The following NRTN variants were observed in gnomAD, a reference collection of about 807,000 sequenced individuals.
NRTN encodes neurturin, also known as prepro-neurturin.
Under a neutral mutation model 7.5 loss-of-function variants are expected in NRTN, and 3 were observed. The ratio of observed to expected loss-of-function variants is 0.40; its 90% CI spans 0.18 to 1.03. The LOEUF (loss-of-function observed/expected upper bound fraction) is 1.03. Ranked by LOEUF, NRTN falls within the 50% of genes least tolerant of loss-of-function variation. The probability of loss-of-function intolerance (pLI) is 0.34; values close to 1 mark genes in which losing one functional copy is unlikely to be tolerated. For synonymous variants in NRTN, 157 were observed against 146.6 expected, an observed-to-expected ratio of 1.07 and a Z score of -0.51; for missense variants, 310 against 307.0, an observed-to-expected ratio of 1.01 and a Z score of -0.07.
chr19:5,805,341 G>GC lies in NRTN; in HGVS notation c.-501dup, dbSNP rs561782359. ...CCCGCGGCCGCCCCCTCCGGCCCGG[G>GC]CCCCCCCCGGGCACCGCGGGCCCAG... is the stretch of plus-strand genomic sequence containing the variant. On this transcript the variant is annotated 5_prime_UTR_variant, in exon 1 of 3. It introduces an in-frame stop codon into an upstream open reading frame of the 5' UTR. Coordinates refer to ENST00000303212, the MANE Select transcript of NRTN (RefSeq NM_004558.5). Among the ~76,000 whole-genome samples, 12 of 145,456 alleles carry GC rather than the reference G, an allele frequency of 8.2e-5. No individual in the cohort carries two copies. The highest frequency in any genetic ancestry group is 1.2e-4 in the Non-Finnish European group (8 of 65,570).
intron 1 of NRTN, among the ~76,000 whole-genome samples, chr19:5,810,502 A>G (rs76603390): frequency 6.6e-6 from 1 of 152,094 alleles, no homozygotes; most frequent in African/African-American, 2.4e-5. Context: ...GCTAATAATA[A>G]TAACATGTTT....
In NRTN at chr19:5,806,673, C is replaced by A. The variant is rs1375691354; in HGVS notation, c.-399+1222C>A. ...ACTCCCGAGGTTCATAGCTCCGGCA[C>A]CGACTCCACCCCCAGGGAGCTACAG... On this transcript the variant is annotated intron_variant, in intron 1 of 2. Transcript: ENST00000303212. The surrounding 1 kb of genome is among the most constrained non-coding windows in gnomAD (Gnocchi z 5.4). Among the ~76,000 whole-genome samples the A allele has an allele frequency of 6.6e-6, 1 of 152,138 alleles. No homozygotes were observed. Among genetic ancestry groups the A allele is most frequent in the Non-Finnish European group, 1.5e-5 (1 of 68,024 alleles).
rs1287767111 is a variant in NRTN at position 5,805,139 on chromosome 19, C to A, written c.-711C>A. Among the ~76,000 whole-genome samples, 1 of 146,608 alleles carries A rather than the reference C, an allele frequency of 6.8e-6. No homozygotes were observed. Among genetic ancestry groups the A allele is most frequent in the East Asian group, 2.0e-4 (1 of 5,102 alleles). ...CCCTCTCGCCGCCGCCCCGGAGCCC[C>A]GTGCTGCGCGCCGAGGCCGCCTGCG... On this transcript the variant is annotated 5_prime_UTR_variant, in exon 1 of 3. Coordinates refer to ENST00000303212, the MANE Select transcript of NRTN (RefSeq NM_004558.5).
At chr19:5,826,217 A>G (rs1166892023) in intron 2 of NRTN, among the ~76,000 whole-genome samples, 2 of 152,050 alleles carry the variant, frequency 1.3e-5, no homozygotes, top group Non-Finnish European at 2.9e-5. Flanking sequence ...AAGCCCACAA[A>G]TGTCTGCTTC....
intron 1 of NRTN, among the ~76,000 whole-genome samples, chr19:5,817,267 T>C (rs997874951): frequency 2.0e-5 from 3 of 151,890 alleles, no homozygotes; most frequent in South Asian, 2.1e-4. Context: ...GGCAGGAGGA[T>C]CACTTGAGCC....
chr19:5,812,376 C>G (rs1051569145), intron 1 of NRTN, among the ~76,000 whole-genome samples: 1 of 152,142 alleles, frequency 6.6e-6, no homozygotes, highest in Admixed American at 6.6e-5. Flanking sequence ...AGCAGTTGGG[C>G]AGCACTCAGC....
At chr19:5,818,676 A>G (rs1163655328) in intron 1 of NRTN, among the ~76,000 whole-genome samples, 4 of 152,060 alleles carry the variant, frequency 2.6e-5, no homozygotes, top group Non-Finnish European at 5.9e-5. Flanking sequence ...GGACAGGTAC[A>G]GATGCCTCCC....
rs946265583 is a variant in NRTN, at chr19:5,806,435, C to T, written c.-399+984C>T. The stretch of plus-strand genomic sequence containing the variant: ...TCCTCCCTCTTGCCTGTCTCCCCTG[C>T]CCTTTCCCTGTTCTCTACATCCTTG... On this transcript the variant is annotated intron_variant, in intron 1 of 2. Coordinates refer to ENST00000303212, the MANE Select transcript of NRTN (RefSeq NM_004558.5). This position sits in a 1 kb window ranked among gnomAD's most constrained non-coding sequence, Gnocchi z 5.4. Among the ~76,000 whole-genome samples, 2 of 152,160 alleles carry T rather than the reference C, an allele frequency of 1.3e-5. No individual in the cohort carries two copies. Among genetic ancestry groups the T allele is most frequent in the African/African-American group, 2.4e-5 (1 of 41,432 alleles).
At chr19:5,826,558 A>G (rs765715528) in intron 2 of NRTN, among the ~76,000 whole-genome samples, 1 of 152,112 alleles carries the variant, frequency 6.6e-6, no homozygotes, top group Non-Finnish European at 1.5e-5. Context: ...CTCCTTCCCC[A>G]GGGCCACCCA....
At chr19:5,823,080 G>C (rs1599638814) in intron 1 of NRTN, among the ~76,000 whole-genome samples, 1 of 112,912 alleles carries the variant, frequency 8.9e-6, no homozygotes, top group Non-Finnish European at 2.2e-5. Context: ...AAGAGAAAAA[G>C]AAAGAGAGAA....
Position 5,816,201 on chromosome 19 carries a change from G to A in NRTN, c.-398-7567G>A, listed in dbSNP as rs114013199. On this transcript the variant is annotated intron_variant, in intron 1 of 2. Coordinates refer to ENST00000303212, the MANE Select transcript of NRTN (RefSeq NM_004558.5). Reference sequence around the variant, plus strand: ...TAGGCGTGAGCCACTGAGCCTGGCCGAGTTTCACCAGTATTTCTGCTAACG... The same window carrying A: ...TAGGCGTGAGCCACTGAGCCTGGCCAAGTTTCACCAGTATTTCTGCTAACG... Among the ~76,000 whole-genome samples the A allele has an allele frequency of 6.6e-3, 996 of 151,506 alleles. 8 individuals carry two copies. The highest frequency in any genetic ancestry group is 0.023 in the African/African-American group (960 of 41,274).
intron 2 of NRTN, among the ~76,000 whole-genome samples, chr19:5,825,019 G>C (rs570618112): frequency 1.3e-5 from 2 of 152,166 alleles, no homozygotes; most frequent in South Asian, 2.1e-4. Flanking sequence ...GGAGGAGAGA[G>C]AGGCTGGATC....
intron 1 of NRTN, among the ~76,000 whole-genome samples, chr19:5,809,482 GT>G (rs374788819): frequency 0.025 from 3,799 of 149,068 alleles, 152 homozygotes; most frequent in African/African-American, 0.089. Flanking sequence ...CCCCATCCTG[GT>G]TTTTTTTTTG....
intron 1 of NRTN, among the ~76,000 whole-genome samples, chr19:5,811,107 C>T (rs757967560): frequency 9.2e-5 from 14 of 151,764 alleles, no homozygotes; most frequent in Non-Finnish European, 1.6e-4. Flanking sequence ...GGTGTAGTGG[C>T]GTGCACCTGT....
At position 5,827,760 on chromosome 19, in the gene NRTN, C is replaced by T. The variant is rs865827704; in HGVS notation, c.181C>T (p.Leu61=). Residue 61 remains leucine (L), a synonymous_variant, in exon 3 of 3, where the codon CTG becomes TTG. Transcript: ENST00000303212. The part of the protein sequence containing the change: ...IARLAQYRAL[L]QGAPDAMELR... The stretch of plus-strand genomic sequence containing the variant: ...TCCTCCCCTCGCAGACCGTGCACTC[C>T]TGCAGGGGGCCCCGGATGCGATGGA... The T allele has an allele frequency of 8.2e-7, 1 of 1,225,912 alleles. No individual in the cohort carries two copies. Among genetic ancestry groups the T allele is most frequent in the South Asian group, 3.7e-5 (1 of 27,106 alleles). The allele number at this position is 1,225,912 out of a possible 1,614,324, so 75.9% of individuals were successfully genotyped here.
intron 1 of NRTN, among the ~76,000 whole-genome samples, chr19:5,809,974 AT>A (rs979652237): frequency 2.6e-5 from 4 of 151,278 alleles, no homozygotes; most frequent in South Asian, 2.1e-4. Flanking sequence ...AATTAAAAAC[AT>A]TTTTTTTTGG....
intron 1 of NRTN, among the ~76,000 whole-genome samples, chr19:5,821,093 G>A (rs1315042360): frequency 6.6e-6 from 1 of 152,132 alleles, no homozygotes; most frequent in Non-Finnish European, 1.5e-5. Flanking sequence ...CACCTCCTCA[G>A]GGAGGGCCCC....
chr19:5,817,225 A>C lies in NRTN; in HGVS notation c.-398-6543A>C, dbSNP rs917879560. On this transcript the variant is annotated intron_variant, in intron 1 of 2. Coordinates refer to ENST00000303212, the MANE Select transcript of NRTN (RefSeq NM_004558.5). ...AAAATATAGCGAGGCATGGTGGCAC[A>C]CACCTGTGGTCCCAGCTACTTGGGA... 2.6e-5 allele frequency among the ~76,000 whole-genome samples: 4 copies of C among 151,922 alleles called. No individual in the cohort carries two copies. In the Admixed American group the frequency reaches 2.6e-4, roughly 10 times the overall value.
At position 5,823,944 on chromosome 19, in the gene NRTN, C is replaced by T. The variant is rs2057035372; in HGVS notation, c.-222C>T. The T allele has an allele frequency of 1.6e-6, 1 of 626,970 alleles. No homozygotes were observed. The highest frequency in any genetic ancestry group is 2.8e-6 in the Non-Finnish European group (1 of 355,212). 38.8% of individuals were successfully genotyped at this position (626,970 alleles called of 1,614,324 possible). On this transcript the variant is annotated 5_prime_UTR_variant, in exon 2 of 3. Coordinates refer to ENST00000303212, the MANE Select transcript of NRTN (RefSeq NM_004558.5). ...GGCTCCTCAGGAAGGCACTCCGGGA[C>T]CCCCAGATGGGGGCGGTTCCCTGTG... is the stretch of plus-strand genomic sequence containing the variant.
Sources: gnomAD v4.1 joint callset for allele counts (sites outside exome capture counted in the v4.1 genomes callset) on GRCh38, gnomAD v4.1.1 for gene constraint, Gnocchi (gnomAD v3.1) non-coding constraint, MANE v1.5 for transcripts, NCBI Gene and HGNC (gene_info 2026-07-23, HGNC 2026-07-21) for gene names.